Variants in RNF216 observed in about 807,000 individuals in gnomAD.
RNF216 encodes the protein E3 ubiquitin-protein ligase RNF216.
A neutral mutation model predicts 110.8 loss-of-function variants in RNF216; 72 were observed. That is an observed-to-expected ratio of 0.65 (90% CI 0.54 to 0.79). The LOEUF (loss-of-function observed/expected upper bound fraction) is 0.79, where lower values mean the gene tolerates loss of function less well. Ranked by LOEUF, RNF216 falls within the 30% of genes least tolerant of loss-of-function variation. The pLI is 0.00. For synonymous variants in RNF216, 495 were observed against 407.5 expected, an observed-to-expected ratio of 1.21 and a Z score of -2.59; for missense variants, 1,342 against 1,141.2, an observed-to-expected ratio of 1.18 and a Z score of -2.54.
At chr7:5,678,362 T>C (rs1206288360) in intron 13 of RNF216, among the ~76,000 whole-genome samples, 4 of 152,200 alleles carry the variant, frequency 2.6e-5, no homozygotes, top group East Asian at 1.9e-4. Context: ...ATCAGAAGAA[T>C]GTTAAGGCTG....
chr7:5,647,130 A>G (rs1418576604), intron 14 of RNF216, among the ~76,000 whole-genome samples: 2 of 151,598 alleles, frequency 1.3e-5, no homozygotes, highest in African/African-American at 2.4e-5. Flanking sequence ...AAAAAAAAAA[A>G]GGGAAAAAGT....
rs181418523 is a variant in RNF216 at position 5,632,010 on chromosome 7, C to T, written c.2383-7885G>A. Among the ~76,000 whole-genome samples, 341 of 152,330 alleles carry T rather than the reference C, an allele frequency of 2.2e-3. 4 individuals carry two copies. The highest frequency in any genetic ancestry group is 0.02 in the Admixed American group (304 of 15,288). On this transcript the variant is annotated intron_variant, in intron 15 of 16. Coordinates refer to ENST00000389902, the MANE Select transcript of RNF216 (RefSeq NM_207111.4). Reference sequence around the variant, plus strand: ...AAGATGCAGAGAGTGGCTGGACCACCAAGGTGGGCAGTGTGCTGAGGCCAG... The same window carrying T: ...AAGATGCAGAGAGTGGCTGGACCACTAAGGTGGGCAGTGTGCTGAGGCCAG...
At chr7:5,659,659 C>G (rs375483732) in intron 13 of RNF216, among the ~76,000 whole-genome samples, 1 of 152,190 alleles carries the variant, frequency 6.6e-6, no homozygotes, top group Non-Finnish European at 1.5e-5. Context: ...TGCAGCACCC[C>G]CTTTCTAAAC....
In RNF216 at chr7:5,696,146, C is replaced by T. The variant is rs565552817; in HGVS notation, c.2061+15615G>A. On this transcript the variant is annotated intron_variant, in intron 13 of 16. Coordinates refer to ENST00000389902, the MANE Select transcript of RNF216 (RefSeq NM_207111.4). This position sits in a 1 kb window ranked among gnomAD's most constrained non-coding sequence, Gnocchi z 5.4. ...TCCAGCCCAAGGGGAAACACACTGA[C>T]ATCCACAGTCCATGTGGTGACGAAG... Among the ~76,000 whole-genome samples the T allele has an allele frequency of 6.6e-6, 1 of 152,210 alleles. No individual in the cohort carries two copies. Among genetic ancestry groups the T allele is most frequent in the Non-Finnish European group, 1.5e-5 (1 of 68,040 alleles).
intron 1 of RNF216, among the ~76,000 whole-genome samples, chr7:5,778,301 C>T (rs759415961): frequency 1.3e-5 from 2 of 152,218 alleles, no homozygotes; most frequent in East Asian, 1.9e-4. Flanking sequence ...TACTCTTCTT[C>T]ACTGCCTCTT....
intron 6 of RNF216, among the ~76,000 whole-genome samples, chr7:5,729,822 G>C (rs559298179): frequency 4.9e-4 from 74 of 152,238 alleles, no homozygotes; most frequent in Admixed American, 1.9e-3. Context: ...AGTATAGTTG[G>C]GGATTTAAAC....
chr7:5,650,785 T>C (rs1788339866), intron 14 of RNF216, among the ~76,000 whole-genome samples: 1 of 152,106 alleles, frequency 6.6e-6, no homozygotes, highest in South Asian at 2.1e-4. Flanking sequence ...CCAGATAACC[T>C]CCCCATCTCA....
chr7:5,780,436 G>A (rs933137939), intron 1 of RNF216: 15 of 152,124 alleles, frequency 9.9e-5, no homozygotes, highest in African/African-American at 3.1e-4. Flanking sequence ...AACGTCTTTT[G>A]AAAAGACTGT....
chr7:5,631,825 T>C (rs867129299), intron 15 of RNF216, among the ~76,000 whole-genome samples: 1 of 152,124 alleles, frequency 6.6e-6, no homozygotes, highest in Non-Finnish European at 1.5e-5. Flanking sequence ...GCTGCTTTTA[T>C]ATCCACACTT....
Position 5,741,825 on chromosome 7 carries a change from A to G in RNF216, c.202-10T>C, listed in dbSNP as rs999973510. The G allele has an allele frequency of 6.3e-7, 1 of 1,579,532 alleles. No homozygotes were observed. Among genetic ancestry groups the G allele is most frequent in the East Asian group, 2.2e-5 (1 of 44,668 alleles). Reference sequence around the variant, plus strand: ...TCTGAGGTTTATTTGTCTAAGAAAAAATGAAATTTTAATAATTCAATTTCT... The same window carrying G: ...TCTGAGGTTTATTTGTCTAAGAAAAGATGAAATTTTAATAATTCAATTTCT... On this transcript the variant is annotated splice_polypyrimidine_tract_variant and intron_variant, in intron 3 of 16. Transcript: ENST00000389902.
intron 13 of RNF216, among the ~76,000 whole-genome samples, chr7:5,708,010 A>G (rs1792412286): frequency 6.6e-6 from 1 of 152,134 alleles, no homozygotes; most frequent in Admixed American, 6.5e-5. Flanking sequence ...GACAGGTGGG[A>G]GCCACCATGC....
intron 13 of RNF216, among the ~76,000 whole-genome samples, chr7:5,699,690 G>C (rs1302070691): frequency 5.3e-5 from 8 of 152,240 alleles, no homozygotes; most frequent in African/African-American, 1.9e-4. Context: ...AGAGATGGCA[G>C]GGACTGCTGC....
At chr7:5,717,786 C>T (rs7795879) in intron 9 of RNF216, among the ~76,000 whole-genome samples, 5,816 of 152,200 alleles carry the variant, frequency 0.038, 166 homozygotes, top group South Asian at 0.068. Flanking sequence ...TTTGGGATTA[C>T]ATTAAATTAT....
intron 1 of RNF216, among the ~76,000 whole-genome samples, chr7:5,776,305 C>T (rs1047486034): frequency 3.3e-5 from 5 of 152,012 alleles, no homozygotes; most frequent in East Asian, 1.9e-4. Flanking sequence ...AGACTATAGC[C>T]GGGCACGGTG....
At chr7:5,755,964 T>C (rs1318760351) in intron 2 of RNF216, among the ~76,000 whole-genome samples, 1 of 56,536 alleles carries the variant, frequency 1.8e-5, no homozygotes, top group Non-Finnish European at 5.6e-5. Flanking sequence ...CATTCATTTA[T>C]ATACTGTCTA....
At chr7:5,774,124 A>T (rs1179431872) in intron 1 of RNF216, among the ~76,000 whole-genome samples, 1 of 152,110 alleles carries the variant, frequency 6.6e-6, no homozygotes, top group Non-Finnish European at 1.5e-5. Context: ...AGGTCATTTA[A>T]CTCTCTGACA....
chr7:5,634,417 A>C (rs1787269524), intron 15 of RNF216, among the ~76,000 whole-genome samples: 1 of 152,234 alleles, frequency 6.6e-6, no homozygotes, highest in South Asian at 2.1e-4. Flanking sequence ...GTTTCAAATT[A>C]TTCCCAGATT....
At chr7:5,706,178 C>A (rs574549160) in intron 13 of RNF216, among the ~76,000 whole-genome samples, 1 of 149,716 alleles carries the variant, frequency 6.7e-6, no homozygotes, top group Non-Finnish European at 1.5e-5. Flanking sequence ...TGAGATTGCA[C>A]CACTGCACTC....
chr7:5,679,476 T>C (rs937925612), intron 13 of RNF216, among the ~76,000 whole-genome samples: 1 of 152,226 alleles, frequency 6.6e-6, no homozygotes, highest in African/African-American at 2.4e-5. Context: ...AACGAGGCTG[T>C]TGGTGAGTCT....
Sources: allele counts gnomAD v4.1 joint callset (sites outside exome capture counted in the v4.1 genomes callset), GRCh38; gene constraint gnomAD v4.1.1; non-coding constraint Gnocchi (gnomAD v3.1); transcripts MANE v1.5; gene names NCBI Gene and HGNC (gene_info 2026-07-23, HGNC 2026-07-21).